STARD13: variants seen among roughly 807,000 people sequenced by gnomAD.
STARD13 encodes the protein stAR-related lipid transfer protein 13.
In STARD13, 62 loss-of-function variants were observed where a neutral mutation model predicts 106.4. The ratio of observed to expected loss-of-function variants is 0.58; its 90% CI spans 0.48 to 0.72. The LOEUF is 0.72. Ranked by LOEUF, STARD13 falls within the 30% of genes least tolerant of loss-of-function variation. The pLI is 0.00. For synonymous variants in STARD13, 565 were observed against 553.0 expected, an observed-to-expected ratio of 1.02 and a Z score of -0.31; for missense variants, 1,387 against 1,424.0, an observed-to-expected ratio of 0.97 and a Z score of 0.42.
At chr13:33,567,561 G>T in the STARD13 span, among the ~76,000 whole-genome samples, 7 of 147,994 alleles carry the variant, frequency 4.7e-5, no homozygotes, top group Admixed American at 4.9e-4. Flanking sequence ...CTTGATATGG[G>T]CAAAAAGTTT....
intron 1 of STARD13, among the ~76,000 whole-genome samples, chr13:33,340,158 C>G (rs2077943940): frequency 6.6e-6 from 1 of 152,188 alleles, no homozygotes. Flanking sequence ...TTCAAACATT[C>G]ATACTTTTAG....
intron 1 of STARD13, among the ~76,000 whole-genome samples, chr13:33,206,953 A>C (rs1887451968): frequency 6.6e-6 from 1 of 152,236 alleles, no homozygotes; most frequent in African/African-American, 2.4e-5. Flanking sequence ...TGAAAGGCAC[A>C]GAGTATGCTC....
At chr13:33,274,344 G>T (rs1242477309) in intron 1 of STARD13, among the ~76,000 whole-genome samples, 2 of 152,132 alleles carry the variant, frequency 1.3e-5, no homozygotes, top group Non-Finnish European at 2.9e-5. Context: ...ACAGAAGGAA[G>T]ACCAGGTGAA....
chr13:33,519,485 C>T, the STARD13 span, among the ~76,000 whole-genome samples: 2 of 151,742 alleles, frequency 1.3e-5, no homozygotes, highest in African/African-American at 4.8e-5. Flanking sequence ...CCACTGTGCC[C>T]AGCTGGGAAT....
At chr13:33,145,486 C>T (rs998250923) in intron 3 of STARD13, among the ~76,000 whole-genome samples, 1 of 151,868 alleles carries the variant, frequency 6.6e-6, no homozygotes, top group Non-Finnish European at 1.5e-5. Context: ...GCTACTTATG[C>T]AAGATAAAAG....
At chr13:33,548,577 A>G in the STARD13 span, among the ~76,000 whole-genome samples, 1 of 152,220 alleles carries the variant, frequency 6.6e-6, no homozygotes, top group Non-Finnish European at 1.5e-5. Flanking sequence ...TCAAAGGTAT[A>G]TAGTTGGCAC....
chr13:33,635,057 A>G, the STARD13 span, among the ~76,000 whole-genome samples: 2 of 152,206 alleles, frequency 1.3e-5, no homozygotes, highest in South Asian at 2.1e-4. Flanking sequence ...TTTTTAAACC[A>G]TATGTTAAAG....
At chr13:33,484,468 G>A in the STARD13 span, among the ~76,000 whole-genome samples, 1 of 152,000 alleles carries the variant, frequency 6.6e-6, no homozygotes. Context: ...AATACACCTG[G>A]ACATGTGACT....
In STARD13 at chr13:33,245,188, T is replaced by C. The variant is rs4943084; in HGVS notation, c.169+40282A>G. 7.4e-3 allele frequency among the ~76,000 whole-genome samples: 1,121 copies of C among 152,352 alleles called. 28 individuals carry two copies. The highest frequency in any genetic ancestry group is 0.07 in the East Asian group (364 of 5,186). The stretch of plus-strand genomic sequence containing the variant: ...CTGGAAACTCACCATCCTTTACTAT[T>C]GGTTCTAGCGGAAAATTTTCTCATT... On this transcript the variant is annotated intron_variant, in intron 1 of 13. Coordinates refer to ENST00000336934, the MANE Select transcript of STARD13 (RefSeq NM_178006.4).
the STARD13 span, among the ~76,000 whole-genome samples, chr13:33,643,891 G>A: frequency 2.3e-4 from 35 of 152,356 alleles, no homozygotes; most frequent in Non-Finnish European, 4.4e-4. Flanking sequence ...TGGATGGGGA[G>A]ATGGGCTAAG....
At chr13:33,194,070 A>G (rs1886442419) in intron 1 of STARD13, among the ~76,000 whole-genome samples, 1 of 152,142 alleles carries the variant, frequency 6.6e-6, no homozygotes, top group African/African-American at 2.4e-5. Context: ...GTTAGAGCTT[A>G]TTTCACTTAT....
chr13:33,223,617 C>T (rs1374933984), intron 1 of STARD13, among the ~76,000 whole-genome samples: 3 of 151,906 alleles, frequency 2.0e-5, no homozygotes, highest in Admixed American at 6.6e-5. Flanking sequence ...TGAGATTGTG[C>T]CACTGCAGTC....
At chr13:33,189,530 T>C (rs533301026) in intron 1 of STARD13, among the ~76,000 whole-genome samples, 1 of 151,410 alleles carries the variant, frequency 6.6e-6, no homozygotes, top group Non-Finnish European at 1.5e-5. Flanking sequence ...CGATGGCACT[T>C]TCATAGGCTA....
downstream of STARD13, among the ~76,000 whole-genome samples, chr13:33,345,110 A>G (rs947414234): frequency 5.3e-5 from 8 of 152,212 alleles, no homozygotes; most frequent in African/African-American, 1.7e-4. Context: ...CCTGCTGTGC[A>G]TGTAGGGTTT....
rs538337043 is a variant in STARD13 at position 33,313,946 on chromosome 13, T to G, written c.124+36344A>C. ...CTGACCTTCTTTGGGCTAATCTCCA[T>G]CTTTTCTATAATTATATTTTTGATA... On this transcript the variant is annotated intron_variant, in intron 1 of 5. Transcript: ENST00000567873. 4.6e-5 allele frequency among the ~76,000 whole-genome samples: 7 copies of G among 152,286 alleles called. No individual in the cohort carries two copies. In the East Asian group the frequency reaches 1.3e-3, roughly 29 times the overall value.
chr13:33,305,451 T>C (rs1892870945), intron 1 of STARD13, among the ~76,000 whole-genome samples: 1 of 152,224 alleles, frequency 6.6e-6, no homozygotes, highest in Non-Finnish European at 1.5e-5. Flanking sequence ...AGCATATACC[T>C]TCTGAATCAA....
the STARD13 span, among the ~76,000 whole-genome samples, chr13:33,613,025 G>T: frequency 6.6e-6 from 1 of 152,110 alleles, no homozygotes; most frequent in Non-Finnish European, 1.5e-5. Flanking sequence ...AGTTGAAATG[G>T]GTCCTTTCTC....
At chr13:33,353,026 C>T (rs534780865), upstream of STARD13, among the ~76,000 whole-genome samples, 8 of 152,138 alleles carry the variant, frequency 5.3e-5, no homozygotes, top group Non-Finnish European at 8.8e-5. Context: ...TCTTCCAGCC[C>T]GAGACCACGT....
chr13:33,286,854 A>G (rs551592997), upstream of STARD13, among the ~76,000 whole-genome samples: 2 of 152,196 alleles, frequency 1.3e-5, no homozygotes, highest in African/African-American at 4.8e-5. Flanking sequence ...GTGTGTGTGT[A>G]TATATATACG....
Sources: gnomAD v4.1 joint callset for allele counts (sites outside exome capture counted in the v4.1 genomes callset) on GRCh38, gnomAD v4.1.1 for gene constraint, MANE v1.5 for transcripts, NCBI Gene and HGNC (gene_info 2026-07-23, HGNC 2026-07-21) for gene names.